Variants in ARSF observed in about 807,000 individuals in gnomAD.
The protein encoded by ARSF is arylsulfatase F.
A neutral mutation model predicts 35.4 loss-of-function variants in ARSF; 33 were observed. That is an observed-to-expected ratio of 0.93 (90% confidence interval 0.71 to 1.25). The LOEUF (loss-of-function observed/expected upper bound fraction) is 1.25, where lower values mean the gene tolerates loss of function less well. Ranked by LOEUF, ARSF falls within the 50% of genes most tolerant of loss-of-function variation. ARSF has a pLI of 0.00. For missense variants in ARSF, 501 were observed against 480.2 expected (o/e 1.04, Z -0.40); for synonymous variants, 222 against 193.1 (o/e 1.15, Z -1.24).
rs1040144144 is a variant in ARSF at position 3,093,072 on chromosome X, A to G, written c.967+3440A>G. On this transcript the variant is annotated intron_variant, in intron 7 of 10. Transcript: ENST00000381127. ...TCCCAGCTACTCGGGAGGCTGAGGC[A>G]GGAGAATGGCGTGAACCTGGGAGGC... Among the ~76,000 whole-genome samples, 9 of 110,456 alleles carry G rather than the reference A, an allele frequency of 8.1e-5. No homozygotes were observed. In the East Asian group the frequency reaches 1.7e-3, roughly 21 times the overall value.
At chrX:3,079,989 A>AT (rs2090186460) in intron 4 of ARSF, among the ~76,000 whole-genome samples, 1 of 103,800 alleles carries the variant, frequency 9.6e-6, no homozygotes, top group Non-Finnish European at 2.0e-5. Context: ...AAAAAAAAAA[A>AT]AAAGAGAGAG....
At chrX:3,057,066 A>G (rs1442292895) in intron 1 of ARSF, among the ~76,000 whole-genome samples, 1 of 111,722 alleles carries the variant, frequency 9.0e-6, no homozygotes, top group East Asian at 2.8e-4. Context: ...CTTTGGGGTA[A>G]AAGAGTCGGT....
chrX:3,057,432 A>G (rs1410205366), intron 1 of ARSF, among the ~76,000 whole-genome samples: 2 of 111,149 alleles, frequency 1.8e-5, no homozygotes, highest in Non-Finnish European at 3.8e-5. Flanking sequence ...AGCCCTCTTC[A>G]TCCCATAATT....
chrX:3,054,543 A>G (rs185380192), intron 1 of ARSF, among the ~76,000 whole-genome samples: 43 of 110,568 alleles, frequency 3.9e-4, no homozygotes, highest in African/African-American at 1.4e-3. Flanking sequence ...GTCTCAAACC[A>G]TCGTCTTGCC....
chrX:3,052,275 T>C (rs2147476634), intron 1 of ARSF, among the ~76,000 whole-genome samples: 1 of 111,995 alleles, frequency 8.9e-6, no homozygotes, highest in Non-Finnish European at 1.9e-5. Context: ...TTCATTTTAG[T>C]TTTCAGCAAT....
intron 8 of ARSF, among the ~76,000 whole-genome samples, chrX:3,101,596 A>G (rs1419724398): frequency 9.0e-6 from 1 of 111,552 alleles, no homozygotes; most frequent in Non-Finnish European, 1.9e-5. Flanking sequence ...TAGAGAACAG[A>G]GATCAGAAAC....
intron 6 of ARSF, among the ~76,000 whole-genome samples, chrX:3,085,107 T>A (rs2090237713): frequency 9.1e-6 from 1 of 109,936 alleles, no homozygotes; most frequent in African/African-American, 3.3e-5. Context: ...CGGTGGTACC[T>A]TGTTTGGGCT....
chrX:3,068,019 ACT>A, intron 1 of ARSF, 52 bp from the exon 2 acceptor site: 1 of 752,419 alleles, frequency 1.3e-6, no homozygotes, highest in Non-Finnish European at 1.9e-6. Flanking sequence ...CATGAATGAT[ACT>A]TTTTTTTTTT....
chrX:3,079,846 C>A (rs944871417), intron 4 of ARSF, among the ~76,000 whole-genome samples: 2 of 106,286 alleles, frequency 1.9e-5, no homozygotes, highest in Non-Finnish European at 3.9e-5. Context: ...GTAATCCCAG[C>A]TACTCGGGAG....
intron 7 of ARSF, among the ~76,000 whole-genome samples, chrX:3,099,741 G>T (rs1204550270): frequency 9.0e-6 from 1 of 111,501 alleles, no homozygotes; most frequent in Admixed American, 9.6e-5. Flanking sequence ...CCAATATTTT[G>T]GTTCTTATCA....
At chrX:3,074,650 C>T (rs2090133213) in intron 3 of ARSF, among the ~76,000 whole-genome samples, 2 of 111,455 alleles carry the variant, frequency 1.8e-5, no homozygotes, top group Admixed American at 9.7e-5. Context: ...ACATGCACAA[C>T]CACACATACT....
At chrX:3,087,241 A>G (rs990713425) in intron 6 of ARSF, among the ~76,000 whole-genome samples, 1 of 112,066 alleles carries the variant, frequency 8.9e-6, no homozygotes, top group African/African-American at 3.2e-5. Flanking sequence ...TATTCAGCTG[A>G]TCACTTTGAC....
intron 7 of ARSF, 142 bp from the exon 8 acceptor site, chrX:3,100,945 T>C: frequency 5.5e-6 from 3 of 544,085 alleles, no homozygotes; most frequent in Non-Finnish European, 8.5e-6. Flanking sequence ...AAACTGTTAA[T>C]GCACATTTCT....
At chrX:3,092,216 C>G (rs866149463) in intron 7 of ARSF, among the ~76,000 whole-genome samples, 3 of 109,158 alleles carry the variant, frequency 2.7e-5, no homozygotes, top group Non-Finnish European at 3.8e-5. Context: ...TACATAGATA[C>G]ATAGATAGAT....
intron 2 of ARSF, among the ~76,000 whole-genome samples, chrX:3,069,027 T>A (rs1481413324): frequency 8.9e-6 from 1 of 112,076 alleles, no homozygotes; most frequent in East Asian, 2.8e-4. Context: ...TTGAAACATG[T>A]ATAGACATGA....
Position 3,103,997 on chromosome X carries a change from G to A in ARSF, c.1265+73G>A, listed in dbSNP as rs914344382. The A allele has an allele frequency of 2.7e-6, 3 of 1,100,897 alleles. No homozygotes were observed. The African/African-American group carries it at 5.4e-5, about 20-fold the overall frequency. The allele number at this position is 1,100,897 out of a possible 1,213,427, so 90.7% of individuals were successfully genotyped here. On this transcript the variant is annotated intron_variant, in intron 9 of 10. Transcript: ENST00000381127. Reference sequence around the variant, plus strand: ...CTTCTCAGAAGATTCAGAACAAGGAGACTGACTCTATCCTGGCAGACCCAC... The same window carrying A: ...CTTCTCAGAAGATTCAGAACAAGGAAACTGACTCTATCCTGGCAGACCCAC...
chrX:3,085,592 G>A (rs1001677180), intron 6 of ARSF, among the ~76,000 whole-genome samples: 6 of 110,607 alleles, frequency 5.4e-5, no homozygotes, highest in Admixed American at 2.0e-4. Context: ...ATTTTCAAGG[G>A]TATCTATCCT....
chrX:3,048,193 T>C (rs2089982972), intron 1 of ARSF, among the ~76,000 whole-genome samples: 1 of 111,443 alleles, frequency 9.0e-6, no homozygotes, highest in African/African-American at 3.3e-5. Flanking sequence ...GGTCATAGTG[T>C]GAAAGGAAAA....
At chrX:3,056,729 A>C (rs896666120) in intron 1 of ARSF, among the ~76,000 whole-genome samples, 3 of 111,859 alleles carry the variant, frequency 2.7e-5, no homozygotes, top group Non-Finnish European at 5.6e-5. Context: ...AATCTTAAAC[A>C]AAATCTGTTT....
Sources: allele counts gnomAD v4.1 joint callset (sites outside exome capture counted in the v4.1 genomes callset), GRCh38; gene constraint gnomAD v4.1.1; transcripts MANE v1.5; gene names NCBI Gene and HGNC (gene_info 2026-07-23, HGNC 2026-07-21).